DLGAP2: variants seen among roughly 807,000 people sequenced by gnomAD.
DLGAP2 encodes disks large-associated protein 2.
DLGAP2 carries 26 observed loss-of-function variants against 100.3 expected under a neutral mutation model. The observed-to-expected ratio is 0.26, with a 90% confidence interval of 0.19 to 0.36. DLGAP2 has a LOEUF of 0.36. DLGAP2 is among the 10% of genes least tolerant of loss of function. The pLI is 1.00. For synonymous variants in DLGAP2, 886 were observed against 630.1 expected (o/e 1.41, Z -6.08); for missense variants, 1,858 against 1,453.2 (o/e 1.28, Z -4.53).
intron 3 of DLGAP2, among the ~76,000 whole-genome samples, chr8:1,305,517 G>T (rs1213277008): frequency 6.6e-6 from 1 of 152,174 alleles, no homozygotes; most frequent in Admixed American, 6.5e-5. Flanking sequence ...CTGTCTGGGT[G>T]TGGCCTGAAG....
chr8:1,357,224 C>G (rs1325033752), intron 3 of DLGAP2, among the ~76,000 whole-genome samples: 3 of 152,056 alleles, frequency 2.0e-5, no homozygotes, highest in Non-Finnish European at 4.4e-5. Flanking sequence ...GGTGCAGACA[C>G]TCACAGCTCT....
chr8:889,828 C>T (rs1196880209), intron 1 of DLGAP2, among the ~76,000 whole-genome samples: 1 of 152,238 alleles, frequency 6.6e-6, no homozygotes, highest in Non-Finnish European at 1.5e-5. Flanking sequence ...AAGCAGATTC[C>T]ATCAGAGAGG....
intron 2 of DLGAP2, among the ~76,000 whole-genome samples, chr8:1,117,682 G>C (rs963990149): frequency 6.6e-6 from 1 of 152,188 alleles, no homozygotes; most frequent in Non-Finnish European, 1.5e-5. Context: ...GCCGGAGTGA[G>C]GGGAGGGCAG....
At chr8:1,326,775 C>T (rs185150571) in intron 3 of DLGAP2, among the ~76,000 whole-genome samples, 5 of 152,368 alleles carry the variant, frequency 3.3e-5, no homozygotes, top group Admixed American at 2.0e-4. Context: ...ACTAAGTTCA[C>T]AGCTGTTTCC....
chr8:1,195,710 T>C (rs2116741962), intron 2 of DLGAP2, among the ~76,000 whole-genome samples: 1 of 152,358 alleles, frequency 6.6e-6, no homozygotes, highest in South Asian at 2.1e-4. Context: ...GCGTGTGTTG[T>C]ATGTCAGAAC....
intron 3 of DLGAP2, among the ~76,000 whole-genome samples, chr8:1,284,224 C>T (rs187319739): frequency 1.5e-4 from 23 of 152,284 alleles, no homozygotes; most frequent in Non-Finnish European, 1.9e-4. Context: ...TTAAGGAGTC[C>T]ACTGCAGGCT....
intron 2 of DLGAP2, among the ~76,000 whole-genome samples, chr8:1,249,507 C>G (rs2116877208): frequency 6.6e-6 from 1 of 152,322 alleles, no homozygotes; most frequent in Non-Finnish European, 1.5e-5. Flanking sequence ...ACTGAACAAT[C>G]TTTTGCTTGA....
At chr8:1,635,586 T>G (rs1235399295) in intron 8 of DLGAP2, among the ~76,000 whole-genome samples, 1 of 152,232 alleles carries the variant, frequency 6.6e-6, no homozygotes, top group Non-Finnish European at 1.5e-5. Flanking sequence ...AACTAGCTCA[T>G]GAAAATAATT....
intron 1 of DLGAP2, among the ~76,000 whole-genome samples, chr8:762,498 G>C (rs142734278): frequency 1.3e-5 from 2 of 152,270 alleles, no homozygotes; most frequent in East Asian, 3.9e-4. Context: ...TGTCAAATTT[G>C]TTCACGTATT....
At chr8:1,249,181 G>A (rs1022652363) in intron 2 of DLGAP2, among the ~76,000 whole-genome samples, 3 of 152,138 alleles carry the variant, frequency 2.0e-5, no homozygotes, top group Non-Finnish European at 4.4e-5. Flanking sequence ...TACTGCTGGA[G>A]AGAAGAGAAT....
intron 1 of DLGAP2, among the ~76,000 whole-genome samples, chr8:825,747 C>T (rs1385678675): frequency 3.3e-5 from 5 of 152,014 alleles, no homozygotes; most frequent in Admixed American, 6.6e-5. Context: ...TTATGGGCTA[C>T]TTGGGATATT....
At position 1,138,364 on chromosome 8, in the gene DLGAP2, C is replaced by A. The variant is rs191023320; in HGVS notation, c.74-120487C>A. On this transcript the variant is annotated intron_variant, in intron 2 of 14. Coordinates refer to ENST00000637795, the MANE Select transcript of DLGAP2 (RefSeq NM_001346810.2). ...CTGGAAGCTCTGCAGGCCCTGCCTGCCCTGCATGCTTCCCCCACTGCGAGG... is the reference window on the plus strand; with the variant it reads ...CTGGAAGCTCTGCAGGCCCTGCCTGACCTGCATGCTTCCCCCACTGCGAGG... Among the ~76,000 whole-genome samples the A allele has an allele frequency of 2.6e-5, 4 of 152,354 alleles. No individual in the cohort carries two copies. The East Asian group carries it at 7.7e-4, about 29-fold the overall frequency.
intron 12 of DLGAP2, among the ~76,000 whole-genome samples, chr8:1,683,962 A>ATATATATATGTGTGTG (rs1799041906): frequency 2.3e-5 from 2 of 85,658 alleles, no homozygotes; most frequent in Admixed American, 1.2e-4. Context: ...GTGTATATAT[A>ATATATATATGTGTGTG]TATATATATA....
At chr8:1,305,064 G>A (rs1800456736) in intron 3 of DLGAP2, among the ~76,000 whole-genome samples, 1 of 152,312 alleles carries the variant, frequency 6.6e-6, no homozygotes, top group East Asian at 1.9e-4. Context: ...CCCACCTGGA[G>A]GTGACCCCAG....
intron 6 of DLGAP2, among the ~76,000 whole-genome samples, chr8:1,568,947 C>T (rs1382743927): frequency 1.5e-5 from 2 of 137,878 alleles, no homozygotes; most frequent in African/African-American, 5.5e-5. Context: ...TGCCCGTGGC[C>T]TCCATGCCAC....
intron 1 of DLGAP2, among the ~76,000 whole-genome samples, chr8:777,675 G>C (rs1821562935): frequency 6.6e-6 from 1 of 152,048 alleles, no homozygotes; most frequent in Admixed American, 6.5e-5. Flanking sequence ...GTTGAATATT[G>C]GCCCCCACTC....
At chr8:1,580,357 A>G (rs1193624543) in intron 6 of DLGAP2, among the ~76,000 whole-genome samples, 1 of 152,188 alleles carries the variant, frequency 6.6e-6, no homozygotes, top group African/African-American at 2.4e-5. Context: ...CTGGTGAGTC[A>G]TCAGCAGGCT....
intron 2 of DLGAP2, among the ~76,000 whole-genome samples, chr8:1,117,252 C>T (rs978156420): frequency 1.3e-5 from 2 of 152,230 alleles, no homozygotes; most frequent in Admixed American, 6.5e-5. Context: ...GGGCTGTGCC[C>T]TCTCTGAGGC....
intron 1 of DLGAP2, among the ~76,000 whole-genome samples, chr8:765,271 G>C (rs1209770408): frequency 6.6e-6 from 1 of 152,118 alleles, no homozygotes; most frequent in Non-Finnish European, 1.5e-5. Context: ...GCTGTTCTAG[G>C]GGTAAAATGA....
Sources: gnomAD v4.1 joint callset for allele counts (sites outside exome capture counted in the v4.1 genomes callset) on GRCh38, gnomAD v4.1.1 for gene constraint, MANE v1.5 for transcripts, NCBI Gene and HGNC (gene_info 2026-07-23, HGNC 2026-07-21) for gene names.